RPL28: variants seen among roughly 807,000 people sequenced by gnomAD.
RPL28 encodes ribosomal protein L28.
RPL28 carries 4 observed loss-of-function variants against 12.5 expected under a neutral mutation model. The observed-to-expected ratio is 0.32, with a 90% CI of 0.16 to 0.73. RPL28 has a LOEUF of 0.73. Among genes scored for constraint, RPL28 ranks in the 30% least tolerant of loss-of-function variants. RPL28 has a pLI of 0.66. For missense variants in RPL28, 214 were observed against 197.7 expected (o/e 1.08, Z -0.49); for synonymous variants, 91 against 72.5 (o/e 1.26, Z -1.30).
In RPL28 at chr19:55,391,712, C is replaced by A. The variant is rs1199529398; in HGVS notation, c.*3380C>A. The A allele has an allele frequency of 3.9e-6, 6 of 1,524,052 alleles. No homozygotes were observed. The highest frequency in any genetic ancestry group is 1.4e-5 in the African/African-American group (1 of 72,718). 94.4% of individuals were successfully genotyped at this position (1,524,052 alleles called of 1,614,324 possible). ...TGATGAGAAGATTAAATGTGCAAAA[C>A]CTGCTTGACTGTGCCCACAAATCCT... On this transcript the variant is annotated 3_prime_UTR_variant, in exon 5 of 5. Transcript: ENST00000344063.
rs2090070435 is a variant in RPL28, at chr19:55,402,796, G to A, written c.325-147G>A. 7 of 644,894 alleles carry A rather than the reference G, an allele frequency of 1.1e-5. No homozygotes were observed. The South Asian group carries it at 1.4e-4, about 13-fold the overall frequency. The allele number at this position is 644,894 out of a possible 1,614,324, so 39.9% of individuals were successfully genotyped here. On this transcript the variant is annotated intron_variant, in intron 4 of 4. Transcript: ENST00000560055. ...ATGACACCCCAGGGGAAGGGAGGCG[G>A]TACATGTGGGAGGGAAGGGTTTGGG...
At chr19:55,387,695 G>A in intron 3 of RPL28, 1 of 1,399,732 alleles carries the variant, frequency 7.1e-7, no homozygotes. Context: ...TGTTTTCATG[G>A]TGGACAGAAT....
rs878883412 is a variant in RPL28, at chr19:55,388,240, C to A, written c.325-3C>A. The A allele has an allele frequency of 6.5e-7, 1 of 1,542,838 alleles. No individual in the cohort carries two copies. Among genetic ancestry groups the A allele is most frequent in the Non-Finnish European group, 8.7e-7 (1 of 1,146,500 alleles). The stretch of plus-strand genomic sequence containing the variant: ...GAGCCTTGCTCTGCTCCCCCGCCCC[C>A]AGGCAGCCATCCGCAGGGCCAGCGC... On this transcript the variant is annotated splice_polypyrimidine_tract_variant and splice_region_variant and intron_variant, in intron 4 of 4. Coordinates refer to ENST00000344063, the MANE Select transcript of RPL28 (RefSeq NM_000991.5).
chr19:55,402,293 CTCTG>C (rs1205091894), intron 4 of RPL28, among the ~76,000 whole-genome samples: 3 of 152,226 alleles, frequency 2.0e-5, no homozygotes, highest in Non-Finnish European at 4.4e-5. Flanking sequence ...AAATCCTGAC[CTCTG>C]TCTTTTATCA....
Position 55,390,753 on chromosome 19 carries a change from C to A in RPL28, c.*2421C>A, listed in dbSNP as rs1197346345. 2.5e-5 allele frequency: 25 copies of A among 985,374 alleles called. No homozygotes were observed. Among genetic ancestry groups the A allele is most frequent in the Non-Finnish European group, 3.0e-5 (25 of 829,956 alleles). 61.0% of individuals were successfully genotyped at this position (985,374 alleles called of 1,614,324 possible). A position where few individuals can be genotyped will look rare whatever the true frequency, so the allele number is the denominator to read the frequency against. On this transcript the variant is annotated 3_prime_UTR_variant, in exon 5 of 5. Coordinates refer to ENST00000344063, the MANE Select transcript of RPL28 (RefSeq NM_000991.5). ...GCCACGTCTGGTATCTGAATGCTATCGGTGGGTTGGGGTGGAGGAACCAGG... is the reference window on the plus strand; with the variant it reads ...GCCACGTCTGGTATCTGAATGCTATAGGTGGGTTGGGGTGGAGGAACCAGG...
At position 55,391,494 on chromosome 19, in the gene RPL28, G is replaced by A. The variant is rs1251164770; in HGVS notation, c.*3162G>A. 4.9e-6 allele frequency: 7 copies of A among 1,435,432 alleles called. No homozygotes were observed. Among genetic ancestry groups the A allele is most frequent in the Non-Finnish European group, 3.7e-6 (4 of 1,081,476 alleles). The allele number at this position is 1,435,432 out of a possible 1,614,324, so 88.9% of individuals were successfully genotyped here. ...CAAGCCCAAAGTTGTGCAGAGCGCT[G>A]GGGACTCCAGACTCCCCACAGCAGC... On this transcript the variant is annotated 3_prime_UTR_variant, in exon 5 of 5. Coordinates refer to ENST00000344063, the MANE Select transcript of RPL28 (RefSeq NM_000991.5).
chr19:55,388,165 T>G, intron 4 of RPL28, 78 bp from the exon 5 acceptor site: 2 of 1,548,156 alleles, frequency 1.3e-6, no homozygotes, highest in Non-Finnish European at 1.7e-6. Flanking sequence ...TTCAGCCTAC[T>G]CCCCACACCC....
At position 55,389,017 on chromosome 19, in the gene RPL28, C is replaced by G; in HGVS notation, c.*685C>G. The G allele has an allele frequency of 1.0e-6, 1 of 985,536 alleles. No individual in the cohort carries two copies. The highest frequency in any genetic ancestry group is 1.2e-6 in the Non-Finnish European group (1 of 829,978). The allele number at this position is 985,536 out of a possible 1,614,324, so 61.0% of individuals were successfully genotyped here. A position where few individuals can be genotyped will look rare whatever the true frequency, so the allele number is the denominator to read the frequency against. On this transcript the variant is annotated 3_prime_UTR_variant, in exon 5 of 5. Coordinates refer to ENST00000344063, the MANE Select transcript of RPL28 (RefSeq NM_000991.5). Reference sequence around the variant, plus strand: ...CCTCCCCTGTCTCTTTGAGCTGGCTCTTGTCACTTAGGTCTCATCTCAGTG... The same window carrying G: ...CCTCCCCTGTCTCTTTGAGCTGGCTGTTGTCACTTAGGTCTCATCTCAGTG...
chr19:55,392,296 A>G (rs548930728), downstream of RPL28, among the ~76,000 whole-genome samples: 113 of 152,234 alleles, frequency 7.4e-4, no homozygotes, highest in African/African-American at 2.7e-3. Context: ...CAGTGGCGCA[A>G]TCACGGCTCA....
In RPL28 at chr19:55,389,668, G is replaced by C. The variant is rs115330559; in HGVS notation, c.*1336G>C. The stretch of plus-strand genomic sequence containing the variant: ...GTCCTGTCTGCTCCAGTCTTGCCCA[G>C]CTCGAAGGAGAGCAGATCTGACCAC... On this transcript the variant is annotated 3_prime_UTR_variant, in exon 5 of 5. Coordinates refer to ENST00000344063, the MANE Select transcript of RPL28 (RefSeq NM_000991.5). The C allele has an allele frequency of 2.0e-6, 2 of 985,440 alleles. No homozygotes were observed. The highest frequency in any genetic ancestry group is 2.4e-6 in the Non-Finnish European group (2 of 830,028). The allele number at this position is 985,440 out of a possible 1,614,324, so 61.0% of individuals were successfully genotyped here. A position where few individuals can be genotyped will look rare whatever the true frequency, so the allele number is the denominator to read the frequency against.
downstream of RPL28, among the ~76,000 whole-genome samples, chr19:55,396,116 A>G (rs918570364): frequency 2.6e-5 from 4 of 151,202 alleles, no homozygotes; most frequent in Non-Finnish European, 5.9e-5. Flanking sequence ...CATCTGTACA[A>G]AAAAATTAGC....
downstream of RPL28, among the ~76,000 whole-genome samples, chr19:55,395,050 A>C (rs542141395): frequency 6.6e-6 from 1 of 152,338 alleles, no homozygotes; most frequent in African/African-American, 2.4e-5. Flanking sequence ...GATAGTCACA[A>C]TATGCAAACA....
chr19:55,395,190 A>G (rs1384879996), downstream of RPL28, among the ~76,000 whole-genome samples: 3 of 151,870 alleles, frequency 2.0e-5, no homozygotes, highest in East Asian at 3.9e-4. Flanking sequence ...AGGCTGGAGT[A>G]CAGTGGTGCG....
chr19:55,392,426 T>G (rs2089997237), downstream of RPL28, among the ~76,000 whole-genome samples: 1 of 152,094 alleles, frequency 6.6e-6, no homozygotes, highest in African/African-American at 2.4e-5. Context: ...AGAGACAGGG[T>G]CTCACTGTGT....
rs1180298214 is a variant in RPL28, at chr19:55,387,922, C to T, written c.206-8C>T. 1 of 1,558,652 alleles carries T rather than the reference C, an allele frequency of 6.4e-7. No individual in the cohort carries two copies. Among genetic ancestry groups the T allele is most frequent in the Admixed American group, 1.8e-5 (1 of 54,560 alleles). On this transcript the variant is annotated splice_polypyrimidine_tract_variant and splice_region_variant and intron_variant, in intron 3 of 4. Transcript: ENST00000344063. The stretch of plus-strand genomic sequence containing the variant: ...ACTGACCCCAGGACCTCCCTGACCC[C>T]CAACCAGGCCAGCGGAAGCCTGCCA...
chr19:55,402,461 G>A (rs1028990919), intron 4 of RPL28, among the ~76,000 whole-genome samples: 2 of 152,218 alleles, frequency 1.3e-5, no homozygotes, highest in South Asian at 2.1e-4. Context: ...AAATTGGAGT[G>A]CAGAGGTGTG....
chr19:55,391,815 C>G lies in RPL28; in HGVS notation c.*3483C>G. ...CATGATCACAGATGTCTTCACATGC[C>G]TATGACTAATTTGTACACAAACTAA... On this transcript the variant is annotated 3_prime_UTR_variant, in exon 5 of 5. Coordinates refer to ENST00000344063, the MANE Select transcript of RPL28 (RefSeq NM_000991.5). 1.4e-6 allele frequency: 2 copies of G among 1,417,646 alleles called. No homozygotes were observed. The highest frequency in any genetic ancestry group is 2.6e-5 in the East Asian group (1 of 37,992). 87.8% of individuals were successfully genotyped at this position (1,417,646 alleles called of 1,614,324 possible).
rs959025985 is a variant in RPL28, at chr19:55,392,018, C to G, written c.*3686C>G. Reference sequence around the variant, plus strand: ...CCAGCCCAGGCTGTTTGGCGCTGCCCAGGAATGGTATCAATTCCCCTGTTT... The same window carrying G: ...CCAGCCCAGGCTGTTTGGCGCTGCCGAGGAATGGTATCAATTCCCCTGTTT... On this transcript the variant is annotated 3_prime_UTR_variant, in exon 5 of 5. Transcript: ENST00000344063. 2 of 1,091,668 alleles carry G rather than the reference C, an allele frequency of 1.8e-6. No homozygotes were observed. The highest frequency in any genetic ancestry group is 8.1e-5 in the South Asian group (2 of 24,584). The allele number at this position is 1,091,668 out of a possible 1,614,324, so 67.6% of individuals were successfully genotyped here.
chr19:55,386,867 C>T (rs1417384708), intron 3 of RPL28, 174 bp downstream of exon 3: 2 of 1,548,700 alleles, frequency 1.3e-6, no homozygotes. Context: ...GCTCTGTGAG[C>T]CGCGCGCGTC....
Sources: allele counts gnomAD v4.1 joint callset (sites outside exome capture counted in the v4.1 genomes callset), GRCh38; gene constraint gnomAD v4.1.1; transcripts MANE v1.5; gene names NCBI Gene and HGNC (gene_info 2026-07-23, HGNC 2026-07-21).